The following MRE11 variants were observed in gnomAD, a reference collection of about 807,000 sequenced individuals.
MRE11 encodes double-strand break repair protein MRE11.
A neutral mutation model predicts 91.7 loss-of-function variants in MRE11; 62 were observed. That is an observed-to-expected ratio of 0.68 (90% CI 0.55 to 0.84). The LOEUF is 0.84. MRE11 is among the 40% of genes least tolerant of loss of function. MRE11 has a pLI of 0.00. For synonymous variants in MRE11, 273 were observed against 271.4 expected (o/e 1.01, Z -0.06); for missense variants, 796 against 852.9 (o/e 0.93, Z 0.83).
the MRE11 span, among the ~76,000 whole-genome samples, chr11:94,505,959 G>A: frequency 6.6e-6 from 1 of 152,212 alleles, no homozygotes; most frequent in Admixed American, 6.5e-5. Context: ...TAGCCTAGGA[G>A]CAATAGGCTA....
rs778970282 is a variant in MRE11, at chr11:94,429,994, A to G, written c.1995-8T>C. The G allele has an allele frequency of 1.2e-6, 2 of 1,610,524 alleles. No homozygotes were observed. Among genetic ancestry groups the G allele is most frequent in the Admixed American group, 1.7e-5 (1 of 59,952 alleles). On this transcript the variant is annotated splice_polypyrimidine_tract_variant and splice_region_variant and intron_variant, in intron 18 of 19. Transcript: ENST00000323929. ...GATGATGTGCTGGACCACCTGAGGCAAAACAAAAACAAAAACAAACACAAT... is the reference window on the plus strand; with the variant it reads ...GATGATGTGCTGGACCACCTGAGGCGAAACAAAAACAAAAACAAACACAAT...
upstream of MRE11, among the ~76,000 whole-genome samples, chr11:94,495,846 A>ACACT (rs1173507173): frequency 6.6e-6 from 1 of 152,174 alleles, no homozygotes; most frequent in Non-Finnish European, 1.5e-5. Flanking sequence ...CCAGTCACCT[A>ACACT]CACTAGAGTA....
the MRE11 span, among the ~76,000 whole-genome samples, chr11:94,501,122 A>G: frequency 2.0e-5 from 3 of 152,246 alleles, no homozygotes; most frequent in African/African-American, 4.8e-5. Context: ...CTTTCTCTAA[A>G]GGATATTTAA....
chr11:94,490,759 T>C, intron 3 of MRE11, 74 bp downstream of exon 3: 1 of 1,561,362 alleles, frequency 6.4e-7, no homozygotes, highest in Non-Finnish European at 8.8e-7. Context: ...AACAAATCTC[T>C]AACTTTAGAA....
intron 14 of MRE11, among the ~76,000 whole-genome samples, chr11:94,451,320 AAGAAAATTTTG>A (rs1946099193): frequency 6.6e-6 from 1 of 152,168 alleles, no homozygotes; most frequent in African/African-American, 2.4e-5. Context: ...CCAATTATCA[AAGAAAATTTTG>A]AGAAAATTAT....
At chr11:94,460,876 A>T in intron 12 of MRE11, 60 bp downstream of exon 12, 1 of 1,359,332 alleles carries the variant, frequency 7.4e-7, no homozygotes, top group Non-Finnish European at 1.0e-6. Context: ...AACATATCCT[A>T]AATTAAAATC....
chr11:94,428,798 G>C (rs2134783076), intron 19 of MRE11, among the ~76,000 whole-genome samples: 1 of 152,118 alleles, frequency 6.6e-6, no homozygotes, highest in South Asian at 2.1e-4. Context: ...GGGAGGCGGA[G>C]ATTGCAGTGA....
chr11:94,482,962 T>C (rs77263867), intron 4 of MRE11, among the ~76,000 whole-genome samples: 1,849 of 152,126 alleles, frequency 0.012, 45 homozygotes, highest in African/African-American at 0.043. Context: ...AAATAAAAAA[T>C]GTCCCAAGTT....
chr11:94,424,195 A>AT (rs1945248506), intron 19 of MRE11, among the ~76,000 whole-genome samples: 1 of 152,222 alleles, frequency 6.6e-6, no homozygotes, highest in Admixed American at 6.5e-5. Context: ...TATCCACTGG[A>AT]CACTAATGTT....
At chr11:94,506,378 T>G in the MRE11 span, among the ~76,000 whole-genome samples, 1 of 152,102 alleles carries the variant, frequency 6.6e-6, no homozygotes, top group South Asian at 2.1e-4. Context: ...CCTTTTATAC[T>G]TATTTGTGTC....
chr11:94,445,016 T>C (rs1174167609), intron 16 of MRE11, among the ~76,000 whole-genome samples: 2 of 152,100 alleles, frequency 1.3e-5, no homozygotes, highest in Non-Finnish European at 2.9e-5. Flanking sequence ...ATATTAAAAA[T>C]AGTTAAACAG....
intron 19 of MRE11, among the ~76,000 whole-genome samples, chr11:94,421,005 C>G (rs927573485): frequency 1.3e-5 from 2 of 150,744 alleles, no homozygotes; most frequent in African/African-American, 4.9e-5. Context: ...GCACTCCAGC[C>G]TCGGCGACAG....
At chr11:94,420,623 C>T (rs904948507) in intron 19 of MRE11, among the ~76,000 whole-genome samples, 2 of 152,166 alleles carry the variant, frequency 1.3e-5, no homozygotes, top group Non-Finnish European at 1.5e-5. Context: ...TTTCCCATTA[C>T]CATTTAATAC....
At position 94,471,748 on chromosome 11, in the gene MRE11, C is replaced by T. The variant is rs749446968; in HGVS notation, c.671G>A (p.Gly224Glu). The T allele has an allele frequency of 2.5e-6, 4 of 1,610,792 alleles. No homozygotes were observed. The Admixed American group carries it at 6.7e-5, about 27-fold the overall frequency. ...FVIHQNRSKHGSTNFIPEQFL... is the reference protein window; with the variant it reads ...FVIHQNRSKHESTNFIPEQFL... Reference sequence around the variant, plus strand: ...TTGTTCTGGAATGAAGTTAGTACTTCCATGTTTACTCCTGTATCAAGATTT... The same window carrying T: ...TTGTTCTGGAATGAAGTTAGTACTTTCATGTTTACTCCTGTATCAAGATTT... The change falls in exon 8 of 20, where the codon GGA becomes GAA. Residue 224 changes from glycine to glutamate, a missense_variant. Coordinates refer to ENST00000323929, the MANE Select transcript of MRE11 (RefSeq NM_005591.4).
Position 94,450,971 on chromosome 11 carries a change from A to T in MRE11, c.1564-3533T>A, listed in dbSNP as rs1413115614. Among the ~76,000 whole-genome samples the T allele has an allele frequency of 4.6e-5, 7 of 152,294 alleles. No homozygotes were observed. In the East Asian group the frequency reaches 7.7e-4, roughly 17 times the overall value. On this transcript the variant is annotated intron_variant, in intron 14 of 19. Transcript: ENST00000323929. ...AACACAAATATACATCATTAGAAAT[A>T]AGAGGGACGGGCGTAGAGGCTCACA...
At chr11:94,486,263 T>C (rs1477897853) in intron 3 of MRE11, among the ~76,000 whole-genome samples, 179 bp from the exon 4 acceptor site, 1 of 152,230 alleles carries the variant, frequency 6.6e-6, no homozygotes, top group Non-Finnish European at 1.5e-5. Context: ...GGTTCTAATT[T>C]AGCTGACTAA....
intron 6 of MRE11, 79 bp from the exon 7 acceptor site, chr11:94,476,482 T>C (rs1946861727): frequency 6.5e-6 from 6 of 922,384 alleles, no homozygotes; most frequent in East Asian, 5.0e-5. Flanking sequence ...TTCTAAATTA[T>C]GTCCTTCTCA....
At chr11:94,491,295 C>T (rs1345102546) in intron 2 of MRE11, among the ~76,000 whole-genome samples, 5 of 152,086 alleles carry the variant, frequency 3.3e-5, no homozygotes, top group Non-Finnish European at 7.4e-5. Flanking sequence ...GATAAATAAA[C>T]TTGTTATTTA....
chr11:94,428,302 TA>T (rs1372333708), intron 19 of MRE11, among the ~76,000 whole-genome samples: 1 of 152,214 alleles, frequency 6.6e-6, no homozygotes, highest in Non-Finnish European at 1.5e-5. Context: ...AAGGACTCCC[TA>T]TTCAATAAAT....
Sources: allele counts gnomAD v4.1 joint callset (sites outside exome capture counted in the v4.1 genomes callset), GRCh38; gene constraint gnomAD v4.1.1; transcripts MANE v1.5; gene names NCBI Gene and HGNC (gene_info 2026-07-23, HGNC 2026-07-21).